FOXN3: variants seen among roughly 807,000 people sequenced by gnomAD.
FOXN3 encodes the protein forkhead box protein N3.
Under a neutral mutation model 38.4 loss-of-function variants are expected in FOXN3, and 7 were observed. The ratio of observed to expected loss-of-function variants is 0.18; its 90% CI spans 0.10 to 0.34. FOXN3 has a LOEUF of 0.34. Among genes scored for constraint, FOXN3 ranks in the 10% least tolerant of loss-of-function variants. FOXN3 has a pLI of 1.00. For synonymous variants in FOXN3, 230 were observed against 242.2 expected (o/e 0.95, Z 0.47); for missense variants, 456 against 613.4 (o/e 0.74, Z 2.71).
chr14:89,293,947 C>T (rs755897655), intron 3 of FOXN3, among the ~76,000 whole-genome samples: 4 of 152,106 alleles, frequency 2.6e-5, no homozygotes, highest in Admixed American at 1.3e-4. Flanking sequence ...TTCAGCATTC[C>T]GCAAAGAACA....
At chr14:89,611,711 C>A (rs1011913452) in intron 1 of FOXN3, among the ~76,000 whole-genome samples, 4 of 149,310 alleles carry the variant, frequency 2.7e-5, no homozygotes, top group African/African-American at 7.5e-5. Flanking sequence ...GAGGCTGAGG[C>A]AGGAGAACGG....
chr14:89,242,491 G>A (rs1170807401), intron 4 of FOXN3, among the ~76,000 whole-genome samples: 1 of 152,074 alleles, frequency 6.6e-6, no homozygotes, highest in East Asian at 1.9e-4. Context: ...TGAATTTGTG[G>A]CATTACCTTT....
intron 4 of FOXN3, among the ~76,000 whole-genome samples, chr14:89,227,878 G>C (rs1350910409): frequency 6.6e-6 from 1 of 152,156 alleles, no homozygotes; most frequent in Admixed American, 6.5e-5. Context: ...CAACTGCAAG[G>C]CACGGAATTC....
chr14:89,243,192 T>C (rs1215473135), intron 4 of FOXN3, among the ~76,000 whole-genome samples: 1 of 152,164 alleles, frequency 6.6e-6, no homozygotes, highest in East Asian at 1.9e-4. Context: ...GGTATATTCA[T>C]ATCTAGAACA....
intron 1 of FOXN3, among the ~76,000 whole-genome samples, chr14:89,585,352 T>A (rs759441854): frequency 3.9e-5 from 6 of 152,246 alleles, no homozygotes; most frequent in Non-Finnish European, 8.8e-5. Flanking sequence ...CTTTTTCTTC[T>A]GCCATTTCTA....
At chr14:89,427,302 T>C (rs891446358) in intron 1 of FOXN3, among the ~76,000 whole-genome samples, 10 of 18,112 alleles carry the variant, frequency 5.5e-4, no homozygotes, top group Non-Finnish European at 1.3e-3. Context: ...AAAAGGGGAC[T>C]TTTTTTTTTT....
intron 3 of FOXN3, among the ~76,000 whole-genome samples, chr14:89,345,057 G>A (rs1472547333): frequency 5.3e-5 from 8 of 151,164 alleles, no homozygotes; most frequent in Non-Finnish European, 5.9e-5. Flanking sequence ...GCAAGCTGGC[G>A]TGGCTCGGTG....
chr14:89,295,762 ATT>A (rs1032063820), intron 3 of FOXN3, among the ~76,000 whole-genome samples: 10 of 123,208 alleles, frequency 8.1e-5, no homozygotes, highest in African/African-American at 1.5e-4. Flanking sequence ...TAATTTTTGC[ATT>A]TTTTTTTTTT....
At chr14:89,250,513 T>G (rs1885423650) in intron 4 of FOXN3, among the ~76,000 whole-genome samples, 1 of 152,218 alleles carries the variant, frequency 6.6e-6, no homozygotes. Context: ...CAAAAACACC[T>G]GTTGGTTATA....
intron 1 of FOXN3, among the ~76,000 whole-genome samples, chr14:89,509,853 G>C (rs896324686): frequency 6.6e-6 from 1 of 152,260 alleles, no homozygotes; most frequent in Non-Finnish European, 1.5e-5. Flanking sequence ...GTTTTAATCT[G>C]AATAAATGAC....
chr14:89,552,587 A>T lies in FOXN3; in HGVS notation c.-15+66441T>A, dbSNP rs150237048. Among the ~76,000 whole-genome samples, 745 of 152,318 alleles carry T rather than the reference A, an allele frequency of 4.9e-3. 7 individuals carry two copies. The highest frequency in any genetic ancestry group is 0.017 in the African/African-American group (703 of 41,580). Reference sequence around the variant, plus strand: ...TAAAAGTGTTGGGGAGGCTGGGCACAGTGGCTCACACCTGTAATCCCAACA... The same window carrying T: ...TAAAAGTGTTGGGGAGGCTGGGCACTGTGGCTCACACCTGTAATCCCAACA... On this transcript the variant is annotated intron_variant, in intron 1 of 6. Transcript: ENST00000345097.
chr14:89,411,888 T>TA (rs377714699), intron 2 of FOXN3, 46 bp downstream of exon 2: 43,131 of 955,472 alleles, frequency 0.045, 5 homozygotes, highest in Non-Finnish European at 0.051. Context: ...AATTTTAAAT[T>TA]AAAAAAAAAA....
chr14:89,245,121 G>A (rs1400411292), intron 4 of FOXN3, among the ~76,000 whole-genome samples: 1 of 152,182 alleles, frequency 6.6e-6, no homozygotes, highest in Non-Finnish European at 1.5e-5. Flanking sequence ...TAGTTTGAAG[G>A]CAGCAGCAGG....
At chr14:89,499,425 C>T (rs1306697811) in intron 1 of FOXN3, among the ~76,000 whole-genome samples, 1 of 151,742 alleles carries the variant, frequency 6.6e-6, no homozygotes, top group African/African-American at 2.4e-5. Context: ...TAATTTAAAA[C>T]CTTTTTGGGT....
At chr14:89,203,448 C>T (rs116122266) in intron 4 of FOXN3, among the ~76,000 whole-genome samples, 1,563 of 152,322 alleles carry the variant, frequency 0.01, 31 homozygotes, top group African/African-American at 0.036. Flanking sequence ...GACCAGCAAG[C>T]CTCATAGTGC....
chr14:89,617,576 C>T (rs965687344), intron 1 of FOXN3, among the ~76,000 whole-genome samples: 2 of 152,118 alleles, frequency 1.3e-5, no homozygotes, highest in Non-Finnish European at 1.5e-5. Flanking sequence ...CAGATCAAAA[C>T]CCGGTTAGGA....
At chr14:89,213,585 T>C (rs1456079427) in intron 4 of FOXN3, among the ~76,000 whole-genome samples, 1 of 152,216 alleles carries the variant, frequency 6.6e-6, no homozygotes, top group Non-Finnish European at 1.5e-5. Flanking sequence ...ACCTTATCAT[T>C]ATAAGTCACC....
intron 3 of FOXN3, among the ~76,000 whole-genome samples, chr14:89,336,884 A>G (rs1888476827): frequency 6.6e-6 from 1 of 152,220 alleles, no homozygotes; most frequent in South Asian, 2.1e-4. Context: ...TGGTTTTCCT[A>G]TAACTTTAAC....
intron 3 of FOXN3, among the ~76,000 whole-genome samples, chr14:89,332,237 T>A (rs1888269965): frequency 6.6e-6 from 1 of 152,202 alleles, no homozygotes; most frequent in South Asian, 2.1e-4. Context: ...CCCTGCACAG[T>A]TAACTATGAC....
Sources: allele counts gnomAD v4.1 joint callset (sites outside exome capture counted in the v4.1 genomes callset), GRCh38; gene constraint gnomAD v4.1.1; transcripts MANE v1.5; gene names NCBI Gene and HGNC (gene_info 2026-07-23, HGNC 2026-07-21).